Variants in BBOF1 observed in about 807,000 individuals in gnomAD.
The protein encoded by BBOF1 is basal body-orientation factor 1.
A neutral mutation model predicts 68.0 loss-of-function variants in BBOF1; 62 were observed. The ratio of observed to expected loss-of-function variants is 0.91; its 90% CI spans 0.74 to 1.13. The LOEUF (loss-of-function observed/expected upper bound fraction) is 1.13. Ranked by LOEUF, BBOF1 falls within the 50% of genes most tolerant of loss-of-function variation. The pLI is 0.00. For synonymous variants in BBOF1, 208 were observed against 198.8 expected (o/e 1.05, Z -0.39); for missense variants, 534 against 600.1 (o/e 0.89, Z 1.15).
intron 5 of BBOF1, among the ~76,000 whole-genome samples, chr14:74,041,753 T>C (rs770381434): frequency 6.6e-6 from 1 of 152,162 alleles, no homozygotes; most frequent in Non-Finnish European, 1.5e-5. Flanking sequence ...GGGGTCTTGC[T>C]GGGCCTGGTG....
chr14:74,070,021 G>A (rs1056289557), downstream of BBOF1, among the ~76,000 whole-genome samples: 7 of 151,166 alleles, frequency 4.6e-5, no homozygotes, highest in Admixed American at 4.6e-4. Flanking sequence ...TATTTTTTTT[G>A]TAGAGACGGG....
chr14:74,024,572 C>G (rs2059382343), intron 2 of BBOF1, among the ~76,000 whole-genome samples: 1 of 152,114 alleles, frequency 6.6e-6, no homozygotes, highest in African/African-American at 2.4e-5. Context: ...TCAGATGATC[C>G]TCCTGCCTCA....
chr14:74,031,235 C>T (rs1312034921), intron 3 of BBOF1, among the ~76,000 whole-genome samples: 4 of 151,942 alleles, frequency 2.6e-5, no homozygotes, highest in Non-Finnish European at 4.4e-5. Flanking sequence ...CACCCAGCCT[C>T]CGGAGTAGCT....
At chr14:74,043,560 A>C (rs2059880159) in intron 5 of BBOF1, among the ~76,000 whole-genome samples, 1 of 138,148 alleles carries the variant, frequency 7.2e-6, no homozygotes, top group Non-Finnish European at 1.5e-5. Flanking sequence ...CCGTCTCAAA[A>C]AAAAAAAAAA....
At chr14:74,081,832 T>C (rs991511252) in intron 12 of BBOF1, among the ~76,000 whole-genome samples, 1 of 152,172 alleles carries the variant, frequency 6.6e-6, no homozygotes, top group African/African-American at 2.4e-5. Context: ...TGGCAAGACT[T>C]AAGTTCTGAA....
chr14:74,032,118 A>ATTTTTTTT lies in BBOF1; in HGVS notation c.352-1892_352-1885dup, dbSNP rs780515040. On this transcript the variant is annotated intron_variant, in intron 3 of 11. Coordinates refer to ENST00000394009, the MANE Select transcript of BBOF1 (RefSeq NM_025057.3). ...CCAACAGAGTCTATTCTCAAAGTTG[A>ATTTTTTTT]TTTTTTTTTTTTTTTTTTTTTTTTT... 1.0e-4 allele frequency among the ~76,000 whole-genome samples: 10 copies of ATTTTTTTT among 99,666 alleles called. 1 individual carries two copies. Among genetic ancestry groups the ATTTTTTTT allele is most frequent in the African/African-American group, 1.7e-4 (4 of 24,202 alleles). 65.4% of individuals were successfully genotyped at this position (99,666 alleles called of 152,430 possible).
In BBOF1 at chr14:74,065,467, T is replaced by C; in HGVS notation, c.*768T>C. On this transcript the variant is annotated 3_prime_UTR_variant, in exon 12 of 12. Transcript: ENST00000394009. ...TACACATCATTTACGTGGACAACTT[T>C]CATATTACTAATCTCTTTTCATTTC... The C allele has an allele frequency of 1.0e-6, 1 of 992,878 alleles. No homozygotes were observed. Among genetic ancestry groups the C allele is most frequent in the Non-Finnish European group, 1.5e-6 (1 of 650,574 alleles). The allele number at this position is 992,878 out of a possible 1,614,324, so 61.5% of individuals were successfully genotyped here.
intron 9 of BBOF1, among the ~76,000 whole-genome samples, chr14:74,074,783 GT>G (rs2060594128): frequency 6.6e-6 from 1 of 152,136 alleles, no homozygotes; most frequent in Non-Finnish European, 1.5e-5. Context: ...CCATGAAAAT[GT>G]TTGTATCTTT....
intron 10 of BBOF1, among the ~76,000 whole-genome samples, chr14:74,080,510 G>T (rs1198796319): frequency 1.3e-5 from 2 of 151,784 alleles, no homozygotes; most frequent in Non-Finnish European, 2.9e-5. Context: ...TGGGACCACA[G>T]GTGCACACGA....
intron 4 of BBOF1, among the ~76,000 whole-genome samples, chr14:74,039,394 A>G (rs144141893): frequency 8.8e-4 from 134 of 152,184 alleles, no homozygotes; most frequent in Non-Finnish European, 1.6e-3. Context: ...TGTGGGGATC[A>G]TCTAAGGAAT....
intron 4 of BBOF1, among the ~76,000 whole-genome samples, chr14:74,035,584 A>ATTTTTTTTTTTTTTTTTTTTTTTTTTTT (rs71460945): frequency 4.9e-5 from 4 of 81,392 alleles, no homozygotes; most frequent in African/African-American, 2.6e-4. Flanking sequence ...CCCCCAGCTA[A>ATTTTTTTTTTTTTTTTTTTTTTTTTTTT]TTTTTTTTTT....
chr14:74,067,622 G>A (rs1419782951), downstream of BBOF1: 1 of 1,588,966 alleles, frequency 6.3e-7, no homozygotes, highest in East Asian at 2.2e-5. Context: ...ATACAACTAA[G>A]CTAAGAAATT....
At chr14:74,060,137 T>C (rs898762574) in intron 11 of BBOF1, 4 of 158,828 alleles carry the variant, frequency 2.5e-5, no homozygotes, top group Middle Eastern at 6.8e-3. Context: ...TGGAACATCT[T>C]CTTTAAAAAA....
chr14:74,021,735 G>A (rs998730271), intron 1 of BBOF1, among the ~76,000 whole-genome samples: 12 of 151,978 alleles, frequency 7.9e-5, no homozygotes, highest in Admixed American at 1.3e-4. Context: ...GTGAAACCCC[G>A]TCTCTACTGA....
chr14:74,057,866 T>C (rs1190730796), intron 11 of BBOF1: 1 of 1,035,988 alleles, frequency 9.7e-7, no homozygotes, highest in African/African-American at 1.7e-5. Context: ...GATGAGTTGT[T>C]TCTAATTAGA....
intron 2 of BBOF1, among the ~76,000 whole-genome samples, chr14:74,026,054 T>A (rs996527437): frequency 2.6e-5 from 4 of 151,724 alleles, no homozygotes; most frequent in Non-Finnish European, 5.9e-5. Flanking sequence ...GGCACGAGAA[T>A]TGCTTGAACC....
chr14:74,056,719 C>A, intron 9 of BBOF1, 187 bp from the exon 10 acceptor site: 1 of 539,900 alleles, frequency 1.9e-6, no homozygotes, highest in Non-Finnish European at 3.3e-6. Context: ...ATACTTCATT[C>A]TCTATGATGT....
chr14:74,035,230 A>G (rs966814895), intron 4 of BBOF1, among the ~76,000 whole-genome samples: 1 of 152,140 alleles, frequency 6.6e-6, no homozygotes, highest in Non-Finnish European at 1.5e-5. Context: ...TCTCTGTAAA[A>G]AAAAAATGGT....
At chr14:74,038,753 C>G (rs1431912392) in intron 4 of BBOF1, among the ~76,000 whole-genome samples, 1 of 152,024 alleles carries the variant, frequency 6.6e-6, no homozygotes, top group African/African-American at 2.4e-5. Flanking sequence ...CCTGTGATAA[C>G]AGCACTTTGA....
Sources: gnomAD v4.1 joint callset for allele counts (sites outside exome capture counted in the v4.1 genomes callset) on GRCh38, gnomAD v4.1.1 for gene constraint, MANE v1.5 for transcripts, NCBI Gene and HGNC (gene_info 2026-07-23, HGNC 2026-07-21) for gene names.